TRIB2: variants seen among roughly 807,000 people sequenced by gnomAD.
TRIB2 encodes the protein tribbles homolog 2.
TRIB2 carries 2 observed loss-of-function variants against 26.8 expected under a neutral mutation model. That is an observed-to-expected ratio of 0.07 (90% CI 0.03 to 0.24). The LOEUF (loss-of-function observed/expected upper bound fraction) is 0.24, where lower values mean the gene tolerates loss of function less well. Ranked by LOEUF, TRIB2 falls within the 10% of genes least tolerant of loss-of-function variation. The probability of loss-of-function intolerance (pLI) is 1.00; values close to 1 mark genes in which losing one functional copy is unlikely to be tolerated. For synonymous variants in TRIB2, 189 were observed against 187.3 expected, an observed-to-expected ratio of 1.01 and a Z score of -0.08; for missense variants, 306 against 449.0, an observed-to-expected ratio of 0.68 and a Z score of 2.88.
intron 1 of TRIB2, among the ~76,000 whole-genome samples, chr2:12,719,366 C>A (rs769393368): frequency 4.4e-4 from 67 of 152,086 alleles, no homozygotes; most frequent in Middle Eastern, 6.8e-3. Context: ...ATGGACACTT[C>A]GGTTTCCTTT....
chr2:12,718,237 C>T lies in TRIB2; in HGVS notation c.-71C>T. 6.4e-7 allele frequency: 1 copy of T among 1,556,108 alleles called. No homozygotes were observed. The highest frequency in any genetic ancestry group is 8.7e-7 in the Non-Finnish European group (1 of 1,151,524). ...AAAATCAGTGGCACCGAGGCGCCTG[C>T]AGCCGCACTCGCCAGCGACTCATCT... On this transcript the variant is annotated 5_prime_UTR_variant, in exon 1 of 3. Coordinates refer to ENST00000155926, the MANE Select transcript of TRIB2 (RefSeq NM_021643.4). This position sits in a 1 kb window ranked among gnomAD's most constrained non-coding sequence, Gnocchi z 4.0.
intron 2 of TRIB2, among the ~76,000 whole-genome samples, chr2:12,733,798 T>C (rs1011465937): frequency 6.6e-6 from 1 of 151,780 alleles, no homozygotes; most frequent in African/African-American, 2.4e-5. Flanking sequence ...GAAGGGAAAC[T>C]GAGGCCAAAA....
intron 2 of TRIB2, among the ~76,000 whole-genome samples, chr2:12,734,925 T>C (rs1342085278): frequency 4.6e-5 from 7 of 152,172 alleles, no homozygotes; most frequent in Non-Finnish European, 1.5e-5. Context: ...ATTTCTGACA[T>C]GTGCTAGAGC....
Position 12,740,896 on chromosome 2 carries a change from GAC to G in TRIB2, c.*107_*108del. The stretch of plus-strand genomic sequence containing the variant: ...AATTGCCTGGCTGAGTAGCAAGAAA[GAC>G]ACACTCTTAAGTTTCTTGGTTCAGA... On this transcript the variant is annotated 3_prime_UTR_variant, in exon 3 of 3. Coordinates refer to ENST00000155926, the MANE Select transcript of TRIB2 (RefSeq NM_021643.4). This position sits in a 1 kb window ranked among gnomAD's most constrained non-coding sequence, Gnocchi z 5.8. 9.0e-7 allele frequency: 1 copy of G among 1,108,542 alleles called. No homozygotes were observed. The highest frequency in any genetic ancestry group is 1.3e-6 in the Non-Finnish European group (1 of 775,868). 68.7% of individuals were successfully genotyped at this position (1,108,542 alleles called of 1,614,324 possible).
chr2:12,724,923 T>C, intron 2 of TRIB2: 1 of 1,454,602 alleles, frequency 6.9e-7, no homozygotes. Context: ...GGAGATTTAA[T>C]AACTGCACCT....
At chr2:12,721,600 T>C (rs1439087869) in intron 1 of TRIB2, among the ~76,000 whole-genome samples, 1 of 152,192 alleles carries the variant, frequency 6.6e-6, no homozygotes, top group Non-Finnish European at 1.5e-5. Flanking sequence ...TGCTCTTGGG[T>C]CATCATTTGA....
chr2:12,717,420 G>T lies in TRIB2; in HGVS notation c.-888G>T, dbSNP rs917454578. On this transcript the variant is annotated 5_prime_UTR_variant, in exon 1 of 3. Transcript: ENST00000155926. This position sits in a 1 kb window ranked among gnomAD's most constrained non-coding sequence, Gnocchi z 4.8. ...CTCTCCTGCACGTCTGGCTGCATTCGGAGGAAGACCTGGGGCGCGAGCGAG... is the reference window on the plus strand; with the variant it reads ...CTCTCCTGCACGTCTGGCTGCATTCTGAGGAAGACCTGGGGCGCGAGCGAG... 11 of 398,470 alleles carry T rather than the reference G, an allele frequency of 2.8e-5. No individual in the cohort carries two copies. The highest frequency in any genetic ancestry group is 4.4e-5 in the Admixed American group (1 of 22,740). The allele number at this position is 398,470 out of a possible 1,614,324, so 24.7% of individuals were successfully genotyped here. A position where few individuals can be genotyped will look rare whatever the true frequency, so the allele number is the denominator to read the frequency against.
At position 12,717,303 on chromosome 2, in the gene TRIB2, G is replaced by C. The variant is rs1483503227; in HGVS notation, c.-1005G>C. Reference sequence around the variant, plus strand: ...AGGGGCAAAGGAACGCCGCGCGTTGGAAGGGCCAGGGACGCAGCTCCCCTT... The same window carrying C: ...AGGGGCAAAGGAACGCCGCGCGTTGCAAGGGCCAGGGACGCAGCTCCCCTT... On this transcript the variant is annotated 5_prime_UTR_variant, in exon 1 of 3. Coordinates refer to ENST00000155926, the MANE Select transcript of TRIB2 (RefSeq NM_021643.4). This position sits in a 1 kb window ranked among gnomAD's most constrained non-coding sequence, Gnocchi z 4.8. 2.3e-5 allele frequency: 9 copies of C among 398,308 alleles called. No individual in the cohort carries two copies. Among genetic ancestry groups the C allele is most frequent in the Admixed American group, 4.4e-5 (1 of 22,718 alleles). The allele number at this position is 398,308 out of a possible 1,614,324, so 24.7% of individuals were successfully genotyped here. A position where few individuals can be genotyped will look rare whatever the true frequency, so the allele number is the denominator to read the frequency against.
At chr2:12,736,926 G>C (rs1026021019) in intron 2 of TRIB2, among the ~76,000 whole-genome samples, 1 of 152,188 alleles carries the variant, frequency 6.6e-6, no homozygotes, top group Non-Finnish European at 1.5e-5. Flanking sequence ...ACCTTCATTC[G>C]AGCAGAGGCA....
intron 1 of TRIB2, among the ~76,000 whole-genome samples, chr2:12,721,384 CTG>C (rs1316705263): frequency 1.3e-5 from 2 of 152,190 alleles, no homozygotes; most frequent in African/African-American, 2.4e-5. Context: ...AATCATAACT[CTG>C]TGAGCACTGG....
chr2:12,717,483 G>A lies in TRIB2; in HGVS notation c.-825G>A. ...GAGCCTGTGCTGACCTCCGCGCGGC[G>A]GGCCGAGCCCAGGGCTTTGTCGCGG... On this transcript the variant is annotated 5_prime_UTR_variant, in exon 1 of 3. Coordinates refer to ENST00000155926, the MANE Select transcript of TRIB2 (RefSeq NM_021643.4). The surrounding 1 kb of genome is among the most constrained non-coding windows in gnomAD (Gnocchi z 4.8). The A allele has an allele frequency of 2.5e-6, 1 of 398,440 alleles. No homozygotes were observed. The allele number at this position is 398,440 out of a possible 1,614,324, so 24.7% of individuals were successfully genotyped here. A position where few individuals can be genotyped will look rare whatever the true frequency, so the allele number is the denominator to read the frequency against.
intron 1 of TRIB2, among the ~76,000 whole-genome samples, chr2:12,719,136 T>C (rs919349927): frequency 2.0e-5 from 3 of 152,110 alleles, no homozygotes; most frequent in African/African-American, 7.2e-5. Context: ...GCCTGGAGCC[T>C]TGAAAGGAGG....
intron 2 of TRIB2, among the ~76,000 whole-genome samples, chr2:12,727,994 T>C (rs1426405490): frequency 1.3e-5 from 2 of 152,184 alleles, no homozygotes; most frequent in Non-Finnish European, 2.9e-5. Context: ...AGCCCCATGT[T>C]TCAGGCCCCT....
At chr2:12,728,071 C>T (rs1661372013) in intron 2 of TRIB2, among the ~76,000 whole-genome samples, 1 of 152,182 alleles carries the variant, frequency 6.6e-6, no homozygotes, top group East Asian at 1.9e-4. Context: ...TATGTAGAGT[C>T]ACAGCTGCCG....
Position 12,718,189 on chromosome 2 carries a change from C to T in TRIB2, c.-119C>T, listed in dbSNP as rs976343484. ...TTTCTCCACGCAGCCCCTCTTCTGT[C>T]CCCTCCCCTCTCGCTCCCTTTTAAA... On this transcript the variant is annotated 5_prime_UTR_variant, in exon 1 of 3. Transcript: ENST00000155926. The surrounding 1 kb of genome is among the most constrained non-coding windows in gnomAD (Gnocchi z 4.0). 1.4e-5 allele frequency: 19 copies of T among 1,333,408 alleles called. No homozygotes were observed. The highest frequency in any genetic ancestry group is 1.9e-5 in the Non-Finnish European group (19 of 992,696). The allele number at this position is 1,333,408 out of a possible 1,614,324, so 82.6% of individuals were successfully genotyped here. A position where few individuals can be genotyped will look rare whatever the true frequency, so the allele number is the denominator to read the frequency against.
chr2:12,718,569 G>C lies in TRIB2; in HGVS notation c.262G>C (p.Val88Leu). 6.2e-7 allele frequency: 1 copy of C among 1,613,058 alleles called. No homozygotes were observed. Among genetic ancestry groups the C allele is most frequent in the Non-Finnish European group, 8.5e-7 (1 of 1,179,006 alleles). The change falls in exon 1 of 3, where the codon GTG (valine) becomes CTG (leucine). Residue 88 changes from valine to leucine, a missense_variant. Coordinates refer to ENST00000155926, the MANE Select transcript of TRIB2 (RefSeq NM_021643.4). The surrounding 1 kb of genome is among the most constrained non-coding windows in gnomAD (Gnocchi z 4.0). Reference protein sequence around the residue: ...AVHLHSGEELVCKVFDISCYQ... With the variant: ...AVHLHSGEELLCKVFDISCYQ... ...GCATCTGCACAGCGGAGAGGAGCTG[G>C]TGTGCAAGGTAAAGGGCCAGTGGGT...
chr2:12,727,379 G>C (rs928307277), intron 2 of TRIB2, among the ~76,000 whole-genome samples: 1 of 152,164 alleles, frequency 6.6e-6, no homozygotes, highest in Non-Finnish European at 1.5e-5. Flanking sequence ...TAAGTCGCTC[G>C]CCTGGGCAGC....
chr2:12,733,970 C>A (rs1301738372), intron 2 of TRIB2, among the ~76,000 whole-genome samples: 1 of 152,206 alleles, frequency 6.6e-6, no homozygotes, highest in Non-Finnish European at 1.5e-5. Flanking sequence ...CTTTTGGCTT[C>A]CTCACCTGGC....
chr2:12,736,382 C>T (rs1661569236), intron 2 of TRIB2, among the ~76,000 whole-genome samples: 1 of 152,156 alleles, frequency 6.6e-6, no homozygotes, highest in African/African-American at 2.4e-5. Flanking sequence ...GTGAGCTCTG[C>T]ACCCTGACAA....
Sources: allele counts gnomAD v4.1 joint callset (sites outside exome capture counted in the v4.1 genomes callset), GRCh38; gene constraint gnomAD v4.1.1; non-coding constraint Gnocchi (gnomAD v3.1); transcripts MANE v1.5; gene names NCBI Gene and HGNC (gene_info 2026-07-23, HGNC 2026-07-21).